Variants in GPR137 observed in about 807,000 individuals in gnomAD.
GPR137 encodes the protein G protein-coupled receptor 137.
GPR137 carries 20 observed loss-of-function variants against 38.9 expected under a neutral mutation model. The observed-to-expected ratio is 0.51, with a 90% confidence interval of 0.36 to 0.75. The LOEUF is 0.75. Among genes scored for constraint, GPR137 ranks in the 30% least tolerant of loss-of-function variants. GPR137 has a pLI of 0.00. For missense variants in GPR137, 456 were observed against 526.4 expected (o/e 0.87, Z 1.31); for synonymous variants, 226 against 235.8 (o/e 0.96, Z 0.38).
At chr11:64,277,501 G>C (rs2033155173) in intron 2 of GPR137, among the ~76,000 whole-genome samples, 1 of 152,146 alleles carries the variant, frequency 6.6e-6, no homozygotes, top group Non-Finnish European at 1.5e-5. Context: ...GGGGTGGCAC[G>C]ATCTCAGCTT....
At chr11:64,285,145 T>G (rs2033806965), upstream of GPR137, 3 of 995,884 alleles carry the variant, frequency 3.0e-6, no homozygotes, top group Non-Finnish European at 3.6e-6. Flanking sequence ...CCGCTCCGCC[T>G]GGACTGGGTG....
Position 64,288,866 on chromosome 11 carries a change from C to A in GPR137, c.1031+145C>A. The A allele has an allele frequency of 6.9e-7, 1 of 1,441,506 alleles. No individual in the cohort carries two copies. Among genetic ancestry groups the A allele is most frequent in the East Asian group, 2.5e-5 (1 of 40,152 alleles). The allele number at this position is 1,441,506 out of a possible 1,614,324, so 89.3% of individuals were successfully genotyped here. On this transcript the variant is annotated intron_variant, in intron 6 of 6. Coordinates refer to ENST00000438980, the MANE Select transcript of GPR137 (RefSeq NM_001170880.2). This position sits in a 1 kb window ranked among gnomAD's most constrained non-coding sequence, Gnocchi z 5.5. ...TTCCCCATCTGTACTAGGTGAGGTC[C>A]CCTGGGTTCCTATTGCTAAAGCCTC... is the stretch of plus-strand genomic sequence containing the variant.
At chr11:64,283,123 G>A (rs1355338042), upstream of GPR137, among the ~76,000 whole-genome samples, 1 of 152,144 alleles carries the variant, frequency 6.6e-6, no homozygotes, top group Non-Finnish European at 1.5e-5. Context: ...ATCGAGTGTG[G>A]GTGTTTATCC....
upstream of GPR137, chr11:64,271,776 C>T: frequency 1.5e-6 from 2 of 1,374,744 alleles, no homozygotes; most frequent in Admixed American, 3.1e-5. Flanking sequence ...GGAGCTGTGG[C>T]GACTCCGGAT....
At chr11:64,274,178 G>A (rs985992591), upstream of GPR137, among the ~76,000 whole-genome samples, 11 of 148,772 alleles carry the variant, frequency 7.4e-5, no homozygotes, top group African/African-American at 2.7e-4. Flanking sequence ...GCATCACGAG[G>A]TCAGGAGATC....
In GPR137 at chr11:64,287,734, G is replaced by A; in HGVS notation, c.421G>A (p.Gly141Arg). Residue 141 changes from glycine to arginine, a missense_variant, in exon 3 of 7, where the codon GGG becomes AGG. Gly to Arg is a moderately radical substitution (Grantham distance 125). Coordinates refer to ENST00000438980, the MANE Select transcript of GPR137 (RefSeq NM_001170880.2). Reference sequence around the variant, plus strand: ...CTGTGGCTGCAGGCTCGCTGTCCGAGGGGCCTTTGTGGGGGCCTCGCTGCT... The same window carrying A: ...CTGTGGCTGCAGGCTCGCTGTCCGAAGGGCCTTTGTGGGGGCCTCGCTGCT... The part of the protein sequence containing the change: ...EMSRGLLAVR[G>R]AFVGASLLFL... 1.2e-6 allele frequency: 2 copies of A among 1,604,862 alleles called. No individual in the cohort carries two copies. The highest frequency in any genetic ancestry group is 8.5e-7 in the Non-Finnish European group (1 of 1,179,916).
At chr11:64,282,381 T>C (rs945935652), upstream of GPR137, among the ~76,000 whole-genome samples, 32 of 152,018 alleles carry the variant, frequency 2.1e-4, no homozygotes, top group Non-Finnish European at 3.4e-4. Context: ...GTGAGAGGAT[T>C]GCTTGGGCCC....
Position 64,286,769 on chromosome 11 carries a change from G to C in GPR137, c.245G>C (p.Arg82Pro). The C allele has an allele frequency of 6.2e-7, 1 of 1,611,708 alleles. No homozygotes were observed. The highest frequency in any genetic ancestry group is 1.7e-4 in the Middle Eastern group (1 of 6,048). ...LRTTLFSFYFRDTPRANRLGP... is the reference protein window; with the variant it reads ...LRTTLFSFYFPDTPRANRLGP... ...ACCACCCTCTTCTCCTTCTACTTCC[G>C]AGATACTCCCCGCGCCAACCGCCTG... The change falls in exon 1 of 7, where the codon CGA (arginine) becomes CCA (proline). Residue 82 changes from arginine (R) to proline (P), a missense_variant. By Grantham distance (103) the Arg-to-Pro change is moderately radical. Coordinates refer to ENST00000438980, the MANE Select transcript of GPR137 (RefSeq NM_001170880.2).
At chr11:64,284,122 C>CAGGG, upstream of GPR137, 1 of 1,505,710 alleles carries the variant, frequency 6.6e-7, no homozygotes, top group South Asian at 1.3e-5. Context: ...AACTGGGATG[C>CAGGG]AGGGAGCCAG....
upstream of GPR137, chr11:64,284,247 G>T: frequency 1.2e-6 from 2 of 1,610,864 alleles, no homozygotes; most frequent in East Asian, 2.2e-5. Flanking sequence ...GAGGCCTGGG[G>T]CCTGGCGATG....
upstream of GPR137, among the ~76,000 whole-genome samples, chr11:64,274,389 G>GA (rs58134629): frequency 6.5e-3 from 687 of 105,334 alleles, 3 homozygotes; most frequent in African/African-American, 0.019. Context: ...TCTACCTCGA[G>GA]AAAAAAAAAA....
upstream of GPR137, chr11:64,271,692 G>A: frequency 2.7e-6 from 4 of 1,471,586 alleles, no homozygotes; most frequent in Admixed American, 2.8e-5. Context: ...GTTGGGGGGC[G>A]CCGAGCGCGA....
Position 64,288,646 on chromosome 11 carries a change from C to A in GPR137, c.956C>A (p.Ser319Tyr). ...ILNGQVFASR[S>Y]YFFDRAGHCE... ...AATGGGCAGGTCTTTGCCTCTCGGT[C>A]CTACTTCTTTGACCGGGCTGGGCAC... is the stretch of plus-strand genomic sequence containing the variant. Residue 319 changes from serine to tyrosine, a missense_variant, in exon 6 of 7, where the codon TCC becomes TAC. Coordinates refer to ENST00000438980, the MANE Select transcript of GPR137 (RefSeq NM_001170880.2). This position sits in a 1 kb window ranked among gnomAD's most constrained non-coding sequence, Gnocchi z 5.5. The A allele has an allele frequency of 6.2e-7, 1 of 1,610,090 alleles. No individual in the cohort carries two copies. Among genetic ancestry groups the A allele is most frequent in the South Asian group, 1.1e-5 (1 of 90,440 alleles).
chr11:64,287,586 C>A, intron 2 of GPR137, 135 bp from the exon 3 acceptor site: 6 of 1,479,184 alleles, frequency 4.1e-6, no homozygotes, highest in Non-Finnish European at 5.4e-6. Context: ...GTTTCTCCAT[C>A]TGTAAGAGTG....
At position 64,288,108 on chromosome 11, in the gene GPR137, T is replaced by A; in HGVS notation, c.677T>A (p.Val226Asp). 6.2e-7 allele frequency: 1 copy of A among 1,612,338 alleles called. No homozygotes were observed. Among genetic ancestry groups the A allele is most frequent in the Non-Finnish European group, 8.5e-7 (1 of 1,179,968 alleles). ...GCGGCCGCGATGGGTGGCGCCATGG[T>A]CCTGCTCTATGCCAGCCGGGCCTGC... Reference protein sequence around the residue: ...CQAAAMGGAMVLLYASRACYN... With the variant: ...CQAAAMGGAMDLLYASRACYN... Residue 226 changes from valine (V) to aspartate (D), a missense_variant, in exon 4 of 7, where the codon GTC becomes GAC. Coordinates refer to ENST00000438980, the MANE Select transcript of GPR137 (RefSeq NM_001170880.2). This position sits in a 1 kb window ranked among gnomAD's most constrained non-coding sequence, Gnocchi z 5.5.
At position 64,288,340 on chromosome 11, in the gene GPR137, G is replaced by A; in HGVS notation, c.784G>A (p.Ala262Thr). ...GGCACCAGCCCCTGCCTTCCCACAG[G>A]CGGACCTGGTGAATGACCTGGGGAA... The part of the protein sequence containing the change: ...DYDWYNVSDQ[A>T]DLVNDLGNKG... Residue 262 changes from alanine to threonine, a missense_variant and splice_region_variant, in exon 5 of 7, where the codon GCG (alanine) becomes ACG (threonine). By Grantham distance (58) the Ala-to-Thr change is moderately conservative. Coordinates refer to ENST00000438980, the MANE Select transcript of GPR137 (RefSeq NM_001170880.2). The surrounding 1 kb of genome is among the most constrained non-coding windows in gnomAD (Gnocchi z 5.5). The A allele has an allele frequency of 6.2e-7, 1 of 1,613,748 alleles. No individual in the cohort carries two copies. Among genetic ancestry groups the A allele is most frequent in the Non-Finnish European group, 8.5e-7 (1 of 1,179,990 alleles).
chr11:64,286,592 C>T lies in GPR137; in HGVS notation c.68C>T (p.Thr23Ile). Residue 23 changes from threonine to isoleucine, a missense_variant, in exon 1 of 7, where the codon ACC becomes ATC. Transcript: ENST00000438980. ...GLVPALPPAV[T>I]LGLTAAYTTL... is the part of the protein sequence containing the mutation. The stretch of plus-strand genomic sequence containing the variant: ...GTGCCTGCGCTGCCACCTGCTGTGA[C>T]CCTGGGGCTGACAGCTGCCTACACC... 6.2e-7 allele frequency: 1 copy of T among 1,613,828 alleles called. No homozygotes were observed. Among genetic ancestry groups the T allele is most frequent in the Non-Finnish European group, 8.5e-7 (1 of 1,179,828 alleles).
intron 2 of GPR137, 71 bp from the exon 3 acceptor site, chr11:64,287,650 T>G: frequency 1.7e-5 from 27 of 1,587,456 alleles, no homozygotes; most frequent in Non-Finnish European, 2.3e-5. Flanking sequence ...TGGGGTTTCC[T>G]GCAGGAGGTG....
upstream of GPR137, among the ~76,000 whole-genome samples, chr11:64,279,626 C>T (rs951096035): frequency 4.0e-5 from 6 of 151,726 alleles, no homozygotes. Context: ...ATTAGCTGGG[C>T]ATGGTGCATG....
Sources: gnomAD v4.1 joint callset for allele counts (sites outside exome capture counted in the v4.1 genomes callset) on GRCh38, gnomAD v4.1.1 for gene constraint, Gnocchi (gnomAD v3.1) non-coding constraint, MANE v1.5 for transcripts, NCBI Gene and HGNC (gene_info 2026-07-23, HGNC 2026-07-21) for gene names.